Variants in FHOD3 observed in about 807,000 individuals in gnomAD.
FHOD3 encodes formin homology 2 domain containing 3.
Under a neutral mutation model 173.0 loss-of-function variants are expected in FHOD3, and 90 were observed. The ratio of observed to expected loss-of-function variants is 0.52; its 90% CI spans 0.44 to 0.62. The LOEUF (loss-of-function observed/expected upper bound fraction) is 0.62. FHOD3 is among the 20% of genes least tolerant of loss of function. The pLI is 0.00. For missense variants in FHOD3, 1,945 were observed against 2,034.7 expected, an observed-to-expected ratio of 0.96 and a Z score of 0.85; for synonymous variants, 828 against 823.0, an observed-to-expected ratio of 1.01 and a Z score of -0.10.
intron 3 of FHOD3, among the ~76,000 whole-genome samples, chr18:36,420,574 A>G (rs1365371515): frequency 3.9e-5 from 6 of 152,224 alleles, no homozygotes. Flanking sequence ...TTGGCTCGGG[A>G]CAGCTGGTTT....
At chr18:36,595,572 T>G (rs1157532931) in intron 7 of FHOD3, among the ~76,000 whole-genome samples, 2 of 152,186 alleles carry the variant, frequency 1.3e-5, no homozygotes, top group Non-Finnish European at 2.9e-5. Context: ...TGTGGTGGTG[T>G]TGCCCATCCC....
chr18:36,471,231 G>A (rs2053266847), intron 3 of FHOD3, among the ~76,000 whole-genome samples: 1 of 152,168 alleles, frequency 6.6e-6, no homozygotes, highest in Non-Finnish European at 1.5e-5. Context: ...GCTGATAGGA[G>A]TGTCCTGAGC....
In FHOD3 at chr18:36,455,469, G is replaced by A. The variant is rs186267401; in HGVS notation, c.338-46463G>A. ...GCTTTAATCCTATCTATATATTATG[G>A]CAATCTATTATGATTCTTTCAAAAG... On this transcript the variant is annotated intron_variant, in intron 3 of 28. Transcript: ENST00000590592. Among the ~76,000 whole-genome samples the A allele has an allele frequency of 6.6e-4, 100 of 151,976 alleles. No homozygotes were observed. The East Asian group carries it at 0.015, about 23-fold the overall frequency.
intron 2 of FHOD3, among the ~76,000 whole-genome samples, chr18:36,370,080 T>C (rs2047107107): frequency 6.6e-6 from 1 of 152,096 alleles, no homozygotes; most frequent in African/African-American, 2.4e-5. Context: ...AGATGCCCTG[T>C]TGTGAACCTG....
Position 36,297,890 on chromosome 18 carries a change from A to G in FHOD3, c.55A>G (p.Ser19Gly), listed in dbSNP as rs1304425062. The change falls in exon 1 of 29, where the codon AGC (serine) becomes GGC (glycine). Residue 19 changes from serine to glycine, a missense_variant. Physicochemically the swap from Ser to Gly is moderately conservative, Grantham distance 56 (BLOSUM62 0). This residue lies in a region of FHOD3 where 245 missense variants were observed against 267.7 expected (regional missense o/e 0.92). Transcript: ENST00000590592. ...CTTGGACGACACGGACCCTTTCAAC[A>G]GCACCAACTTCCCCGAGCCCAGCCG... Reference protein sequence around the residue: ...QFLDDTDPFNSTNFPEPSRPP... With the variant: ...QFLDDTDPFNGTNFPEPSRPP... 1 of 1,558,792 alleles carries G rather than the reference A, an allele frequency of 6.4e-7. No individual in the cohort carries two copies. Among genetic ancestry groups the G allele is most frequent in the Admixed American group, 1.9e-5 (1 of 52,694 alleles).
intron 5 of FHOD3, among the ~76,000 whole-genome samples, chr18:36,559,272 C>G (rs1005320694): frequency 6.6e-6 from 1 of 152,166 alleles, no homozygotes; most frequent in African/African-American, 2.4e-5. Context: ...CAACTGACTA[C>G]TCAGTAGTGT....
At chr18:36,695,100 T>C (rs111836617) in intron 17 of FHOD3, among the ~76,000 whole-genome samples, 26 of 151,838 alleles carry the variant, frequency 1.7e-4, no homozygotes, top group African/African-American at 5.8e-4. Context: ...CCCAGCACTT[T>C]GGGAGGCCGA....
At chr18:36,473,844 T>C (rs962560906) in intron 3 of FHOD3, among the ~76,000 whole-genome samples, 2 of 152,264 alleles carry the variant, frequency 1.3e-5, no homozygotes, top group African/African-American at 4.8e-5. Context: ...GAATATATCA[T>C]TGGCTTTGAG....
At chr18:36,757,419 G>C (rs2042677456) in intron 25 of FHOD3, among the ~76,000 whole-genome samples, 1 of 152,182 alleles carries the variant, frequency 6.6e-6, no homozygotes, top group South Asian at 2.1e-4. Flanking sequence ...GGGACACCAA[G>C]GAAGATGTGA....
intron 8 of FHOD3, among the ~76,000 whole-genome samples, chr18:36,603,498 AATAATATATTATTATTAT>A (rs1236737431): frequency 6.6e-6 from 1 of 150,810 alleles, no homozygotes; most frequent in East Asian, 1.9e-4. Flanking sequence ...TAATAATAAT[AATAATATATTATTATTAT>A]TATTTGAGGC....
At chr18:36,441,977 A>C (rs1416239090) in intron 3 of FHOD3, among the ~76,000 whole-genome samples, 1 of 152,222 alleles carries the variant, frequency 6.6e-6, no homozygotes, top group Non-Finnish European at 1.5e-5. Flanking sequence ...TCCGTGAATA[A>C]AGCTTTGGAA....
chr18:36,491,818 T>C (rs1406779917), intron 3 of FHOD3, among the ~76,000 whole-genome samples: 1 of 152,228 alleles, frequency 6.6e-6, no homozygotes, highest in Non-Finnish European at 1.5e-5. Flanking sequence ...TCATTTCTTT[T>C]TATTGCTGAA....
intron 5 of FHOD3, among the ~76,000 whole-genome samples, chr18:36,529,963 G>A (rs939989386): frequency 1.3e-5 from 2 of 151,782 alleles, no homozygotes; most frequent in African/African-American, 4.8e-5. Flanking sequence ...CAGGAACACT[G>A]CTCAATGTTG....
rs761947490 is a variant in FHOD3, at chr18:36,744,060, A to C, written c.3908A>C (p.Glu1303Ala). 2.6e-4 allele frequency: 419 copies of C among 1,614,104 alleles called. No individual in the cohort carries two copies. Among genetic ancestry groups the C allele is most frequent in the Non-Finnish European group, 3.4e-4 (407 of 1,180,046 alleles). Residue 1303 changes from glutamate (E) to alanine (A), a missense_variant, in exon 23 of 29, where the codon GAG (glutamate) becomes GCG (alanine). Glu to Ala is a moderately radical substitution (Grantham distance 107). Coordinates refer to ENST00000590592, the MANE Select transcript of FHOD3 (RefSeq NM_001281740.3). ...AAAGCGTTTGAGTTAAGCTACCTCG[A>C]GAAGGTTCCAGAAGTCAAAGACACA... ...NAKAFELSYL[E>A]KVPEVKDTVH...
chr18:36,464,903 C>T (rs1446282807), intron 3 of FHOD3, among the ~76,000 whole-genome samples: 1 of 152,194 alleles, frequency 6.6e-6, no homozygotes, highest in African/African-American at 2.4e-5. Flanking sequence ...GGGATAGCTG[C>T]CCTTCAGTGT....
At chr18:36,307,697 G>T (rs1011820724) in intron 1 of FHOD3, among the ~76,000 whole-genome samples, 3 of 152,210 alleles carry the variant, frequency 2.0e-5, no homozygotes, top group Non-Finnish European at 4.4e-5. Flanking sequence ...GGATGACTTT[G>T]CTGGAGAGAG....
intron 9 of FHOD3, 135 bp downstream of exon 9, chr18:36,612,230 A>C: frequency 2.2e-6 from 2 of 900,436 alleles, no homozygotes; most frequent in Non-Finnish European, 3.2e-6. Context: ...CGTAGGCTTC[A>C]CCCCAGACCT....
chr18:36,455,370 A>G (rs2052122523), intron 3 of FHOD3, among the ~76,000 whole-genome samples: 1 of 152,196 alleles, frequency 6.6e-6, no homozygotes, highest in East Asian at 1.9e-4. Context: ...TGTGTTAGGG[A>G]CGAGTTCTGG....
chr18:36,769,003 G>A (rs548308648), intron 27 of FHOD3, among the ~76,000 whole-genome samples: 2 of 152,180 alleles, frequency 1.3e-5, no homozygotes, highest in Non-Finnish European at 2.9e-5. Context: ...ATACACAGCT[G>A]TGTTACAGGG....
Sources: allele counts gnomAD v4.1 joint callset (sites outside exome capture counted in the v4.1 genomes callset), GRCh38; gene constraint gnomAD v4.1.1; regional missense constraint gnomAD v4.1.1; transcripts MANE v1.5; gene names NCBI Gene and HGNC (gene_info 2026-07-23, HGNC 2026-07-21).